Variants in GLRA3 observed in about 807,000 individuals in gnomAD.
The protein encoded by GLRA3 is glycine receptor alpha 3.
In GLRA3, 44 loss-of-function variants were observed where a neutral mutation model predicts 60.4. The observed-to-expected ratio is 0.73, with a 90% CI of 0.57 to 0.94. The LOEUF is 0.94. GLRA3 is among the 40% of genes least tolerant of loss of function. The pLI, the probability that GLRA3 is intolerant of heterozygous loss-of-function variation, is 0.00. For synonymous variants in GLRA3, 223 were observed against 192.9 expected, an observed-to-expected ratio of 1.16 and a Z score of -1.29; for missense variants, 508 against 564.6, an observed-to-expected ratio of 0.90 and a Z score of 1.02.
chr4:174,757,295 A>G (rs1425122508), intron 3 of GLRA3, among the ~76,000 whole-genome samples: 2 of 133,982 alleles, frequency 1.5e-5, no homozygotes, highest in African/African-American at 5.3e-5. Context: ...ACACACACAC[A>G]CACTTCCAAG....
intron 1 of GLRA3, among the ~76,000 whole-genome samples, chr4:174,824,251 T>C (rs764160684): frequency 1.8e-4 from 28 of 152,324 alleles, no homozygotes; most frequent in Non-Finnish European, 3.1e-4. Flanking sequence ...AATTCTCACA[T>C]GGTTTCCAAC....
chr4:174,728,832 GT>G, intron 3 of GLRA3, 134 bp from the exon 4 acceptor site: 1 of 585,782 alleles, frequency 1.7e-6, no homozygotes. Flanking sequence ...GGGGTGTATA[GT>G]TAATGGAGGA....
rs1741098405 is a variant in GLRA3, at chr4:174,829,054, G to A, written c.-243C>T. The A allele has an allele frequency of 4.4e-6, 2 of 455,912 alleles. No individual in the cohort carries two copies. Among genetic ancestry groups the A allele is most frequent in the Non-Finnish European group, 8.0e-6 (2 of 251,452 alleles). 28.2% of individuals were successfully genotyped at this position (455,912 alleles called of 1,614,324 possible). A position where few individuals can be genotyped will look rare whatever the true frequency, so the allele number is the denominator to read the frequency against. On this transcript the variant is annotated 5_prime_UTR_variant, in exon 1 of 10. Coordinates refer to ENST00000274093, the MANE Select transcript of GLRA3 (RefSeq NM_006529.4). ...TTTTACAGTGAAATTACAAAAATGA[G>A]TGAGATGAAATGTCTGAAGTGCCTA...
At chr4:174,794,900 T>C (rs1425936246) in intron 1 of GLRA3, among the ~76,000 whole-genome samples, 1 of 152,066 alleles carries the variant, frequency 6.6e-6, no homozygotes, top group Non-Finnish European at 1.5e-5. Context: ...ATCCATTTAA[T>C]AGAGGACAAG....
intron 7 of GLRA3, among the ~76,000 whole-genome samples, chr4:174,673,752 G>C (rs1733997540): frequency 6.6e-6 from 1 of 152,078 alleles, no homozygotes; most frequent in South Asian, 2.1e-4. Flanking sequence ...CAGAACTTTG[G>C]AAGTTCTTAG....
At chr4:174,722,224 T>C (rs2111115225) in intron 4 of GLRA3, among the ~76,000 whole-genome samples, 1 of 152,274 alleles carries the variant, frequency 6.6e-6, no homozygotes, top group East Asian at 1.9e-4. Flanking sequence ...CTGAAACCCC[T>C]ATGCCTAAAG....
chr4:174,688,579 AGTGTGT>A (rs59653917), intron 5 of GLRA3, among the ~76,000 whole-genome samples: 23,611 of 133,780 alleles, frequency 0.18, 2,214 homozygotes, highest in South Asian at 0.27. Flanking sequence ...GGAAGGAGGA[AGTGTGT>A]GTGTGTGTGT....
intron 2 of GLRA3, among the ~76,000 whole-genome samples, chr4:174,778,814 G>C (rs1490587006): frequency 6.6e-6 from 1 of 152,164 alleles, no homozygotes; most frequent in Non-Finnish European, 1.5e-5. Flanking sequence ...CTGGCTTGGA[G>C]GGTCCTACCC....
chr4:174,683,133 C>T (rs1052567514), intron 5 of GLRA3, among the ~76,000 whole-genome samples, 194 bp from the exon 6 acceptor site: 3 of 152,084 alleles, frequency 2.0e-5, no homozygotes, highest in South Asian at 2.1e-4. Flanking sequence ...GGAACTCCCA[C>T]CAAATAATAT....
At chr4:174,667,691 A>G (rs1380184344) in intron 7 of GLRA3, among the ~76,000 whole-genome samples, 1 of 152,178 alleles carries the variant, frequency 6.6e-6, no homozygotes, top group Non-Finnish European at 1.5e-5. Flanking sequence ...AAATTTATGT[A>G]TGAGAATAAG....
chr4:174,783,697 C>A (rs1738992580), intron 2 of GLRA3, among the ~76,000 whole-genome samples: 1 of 147,956 alleles, frequency 6.8e-6, no homozygotes, highest in African/African-American at 2.5e-5. Context: ...GACATTTATG[C>A]AGCCAAAAGA....
chr4:174,765,106 A>G (rs1738089734), intron 3 of GLRA3, among the ~76,000 whole-genome samples: 1 of 152,082 alleles, frequency 6.6e-6, no homozygotes, highest in South Asian at 2.1e-4. Context: ...TGCATGCTGA[A>G]GGAGAGAAAT....
At chr4:174,648,959 C>T (rs1030669027) in intron 9 of GLRA3, among the ~76,000 whole-genome samples, 4 of 152,136 alleles carry the variant, frequency 2.6e-5, no homozygotes, top group African/African-American at 9.7e-5. Flanking sequence ...CACTAAGGAA[C>T]CCTGTTCGAT....
At chr4:174,813,507 C>G (rs1269232532) in intron 1 of GLRA3, among the ~76,000 whole-genome samples, 1 of 152,196 alleles carries the variant, frequency 6.6e-6, no homozygotes, top group Admixed American at 6.5e-5. Context: ...AGACTTGGCT[C>G]TATTCTGTGT....
intron 5 of GLRA3, among the ~76,000 whole-genome samples, chr4:174,701,444 G>T (rs1424535897): frequency 6.6e-6 from 1 of 152,156 alleles, no homozygotes; most frequent in Non-Finnish European, 1.5e-5. Flanking sequence ...TGATGGAGAT[G>T]TACAGGGAGA....
chr4:174,774,951 A>G (rs1738538480), intron 2 of GLRA3, among the ~76,000 whole-genome samples: 1 of 152,208 alleles, frequency 6.6e-6, no homozygotes, highest in Non-Finnish European at 1.5e-5. Flanking sequence ...TGGTTCAGAA[A>G]AAAAGCTTTT....
intron 1 of GLRA3, among the ~76,000 whole-genome samples, chr4:174,794,797 A>G (rs901675637): frequency 2.0e-5 from 3 of 152,142 alleles, no homozygotes; most frequent in African/African-American, 7.2e-5. Flanking sequence ...TAAAAATTCT[A>G]TTTGAAATAT....
intron 6 of GLRA3, among the ~76,000 whole-genome samples, chr4:174,682,277 G>A (rs1032953542): frequency 6.6e-6 from 1 of 152,136 alleles, no homozygotes; most frequent in Non-Finnish European, 1.5e-5. Context: ...ATCACATTGA[G>A]TCTCTCAATT....
At chr4:174,808,923 A>G (rs1052047694) in intron 1 of GLRA3, among the ~76,000 whole-genome samples, 4 of 152,316 alleles carry the variant, frequency 2.6e-5, no homozygotes, top group East Asian at 1.9e-4. Context: ...AAAAAAATTG[A>G]AAGTTTATAA....
Sources: allele counts gnomAD v4.1 joint callset (sites outside exome capture counted in the v4.1 genomes callset), GRCh38; gene constraint gnomAD v4.1.1; transcripts MANE v1.5; gene names NCBI Gene and HGNC (gene_info 2026-07-23, HGNC 2026-07-21).